MCM3: variants seen among roughly 807,000 people sequenced by gnomAD.
MCM3 encodes minichromosome maintenance complex component 3.
MCM3 carries 59 observed loss-of-function variants against 91.3 expected under a neutral mutation model. That is an observed-to-expected ratio of 0.65 (90% confidence interval 0.52 to 0.80). The LOEUF (loss-of-function observed/expected upper bound fraction) is 0.80, where lower values mean the gene tolerates loss of function less well. MCM3 is among the 30% of genes least tolerant of loss of function. The pLI is 0.00. For missense variants in MCM3, 919 were observed against 1,035.4 expected (o/e 0.89, Z 1.54); for synonymous variants, 383 against 379.6 (o/e 1.01, Z -0.10).
Position 52,279,601 on chromosome 6 carries a change from T to C in MCM3, c.532-2A>G. On this transcript the variant is annotated splice_acceptor_variant, in intron 4 of 16. Coordinates refer to ENST00000596288, the MANE Select transcript of MCM3 (RefSeq NM_002388.6). LOFTEE classifies it high-confidence loss of function. The stretch of plus-strand genomic sequence containing the variant: ...CTCAAGGGGATTGTTCTCCTCATCC[T>C]AGAAAAAGGCACACAGAGGGACAGA... The C allele has an allele frequency of 6.2e-7, 1 of 1,606,714 alleles. No homozygotes were observed. Among genetic ancestry groups the C allele is most frequent in the Non-Finnish European group, 8.5e-7 (1 of 1,174,374 alleles).
At chr6:52,267,995 C>G in intron 13 of MCM3, 27 bp from the exon 14 acceptor site, 1 of 1,613,874 alleles carries the variant, frequency 6.2e-7, no homozygotes, top group Non-Finnish European at 8.5e-7. Context: ...TGTGGCTGGG[C>G]TAGAGGGGTC....
intron 16 of MCM3, among the ~76,000 whole-genome samples, chr6:52,265,794 T>A (rs1053330448): frequency 1.3e-5 from 2 of 152,158 alleles, no homozygotes; most frequent in African/African-American, 4.8e-5. Context: ...TTAAGTTTTA[T>A]CCTTATTGTA....
At position 52,266,653 on chromosome 6, in the gene MCM3, C is replaced by T. The variant is rs868268606; in HGVS notation, c.2116G>A (p.Asp706Asn). 3 of 1,614,098 alleles carry T rather than the reference C, an allele frequency of 1.9e-6. No homozygotes were observed. Among genetic ancestry groups the T allele is most frequent in the Admixed American group, 1.7e-5 (1 of 60,020 alleles). ...QPDAKDGDSYDPYDFSDTEEE... is the reference protein window; with the variant it reads ...QPDAKDGDSYNPYDFSDTEEE... ...TCTGTGTCACTGAAGTCATAGGGGT[C>T]GTATGAATCCCCATCTTTGGCATCT... The change falls in exon 15 of 17, where the codon GAC becomes AAC. Residue 706 changes from aspartate (D) to asparagine (N), a missense_variant. By Grantham distance (23) the Asp-to-Asn change is conservative (BLOSUM62 1). Transcript: ENST00000596288.
At position 52,273,733 on chromosome 6, in the gene MCM3, T is replaced by G; in HGVS notation, c.1549+9A>C. The G allele has an allele frequency of 6.2e-7, 1 of 1,604,504 alleles. No individual in the cohort carries two copies. Among genetic ancestry groups the G allele is most frequent in the Non-Finnish European group, 8.5e-7 (1 of 1,175,226 alleles). The stretch of plus-strand genomic sequence containing the variant: ...CCATTAGTTACTCTTACTATTCTTA[T>G]GGCCTCACCATCGCCATCCTGCTCC... On this transcript the variant is annotated intron_variant, in intron 10 of 16. Transcript: ENST00000596288.
chr6:52,268,110 G>T, intron 13 of MCM3, 142 bp from the exon 14 acceptor site: 1 of 1,120,968 alleles, frequency 8.9e-7, no homozygotes, highest in Non-Finnish European at 1.3e-6. Context: ...TTGTCCCTAA[G>T]TCCCAGGACC....
intron 4 of MCM3, among the ~76,000 whole-genome samples, chr6:52,280,866 T>C (rs1452658616): frequency 6.6e-6 from 1 of 152,244 alleles, no homozygotes; most frequent in African/African-American, 2.4e-5. Context: ...CAGCATTTCA[T>C]CTGGAGGTAG....
Position 52,273,885 on chromosome 6 carries a change from A to T in MCM3, c.1406T>A (p.Ile469Asn), listed in dbSNP as rs759115826. 1 of 1,613,992 alleles carries T rather than the reference A, an allele frequency of 6.2e-7. No individual in the cohort carries two copies. The highest frequency in any genetic ancestry group is 8.5e-7 in the Non-Finnish European group (1 of 1,179,918). ...TGACAGCAGTGAGTCCTGTAGCCCA[A>T]TGTTCTCCATTGGAGTCTTATACTG... ...YDQYKTPMEN[I>N]GLQDSLLSRF... is the part of the protein sequence containing the mutation. Residue 469 changes from isoleucine to asparagine, a missense_variant, in exon 10 of 17, where the codon ATT becomes AAT. This residue lies in a region of MCM3 where 233 missense variants were observed against 321.2 expected (regional missense o/e 0.73). Transcript: ENST00000596288.
Position 52,269,087 on chromosome 6 carries a change from T to G in MCM3, c.1967A>C (p.Lys656Thr). 1 of 1,611,178 alleles carries G rather than the reference T, an allele frequency of 6.2e-7. No homozygotes were observed. The highest frequency in any genetic ancestry group is 8.5e-7 in the Non-Finnish European group (1 of 1,177,722). ...ATGCCCAGGCATCTGAATCCTCACC[T>G]TCTTAAAGTAAGCATACTGGACCAA... ...VELVQYAYFK[K>T]VLEKEKKRKK... The change falls in exon 13 of 17, where the codon AAG (lysine) becomes ACG (threonine). Residue 656 changes from lysine to threonine, a missense_variant and splice_region_variant. Lys to Thr is a moderately conservative substitution (Grantham distance 78). Around this residue, in one of 3 missense-constraint regions of MCM3, gnomAD observed 285 missense variants for 311.4 expected, o/e 0.92. Transcript: ENST00000596288.
intron 6 of MCM3, among the ~76,000 whole-genome samples, chr6:52,277,940 C>T (rs768244091): frequency 5.3e-5 from 8 of 151,464 alleles, no homozygotes; most frequent in Non-Finnish European, 8.8e-5. Context: ...TGGTGGTGTG[C>T]GCCTGTAATC....
At position 52,269,091 on chromosome 6, in the gene MCM3, T is replaced by C. The variant is rs148318952; in HGVS notation, c.1963A>G (p.Lys655Glu). 2.0e-5 allele frequency: 32 copies of C among 1,611,368 alleles called. No homozygotes were observed. Among genetic ancestry groups the C allele is most frequent in the Non-Finnish European group, 2.6e-5 (31 of 1,177,978 alleles). The change falls in exon 13 of 17, where the codon AAG becomes GAG. Residue 655 changes from lysine (K) to glutamate (E), a missense_variant. Transcript: ENST00000596288. ...AVELVQYAYF[K>E]KVLEKEKKRK... Reference sequence around the variant, plus strand: ...CCAGGCATCTGAATCCTCACCTTCTTAAAGTAAGCATACTGGACCAACTCC... The same window carrying C: ...CCAGGCATCTGAATCCTCACCTTCTCAAAGTAAGCATACTGGACCAACTCC...
chr6:52,284,632 C>G lies in MCM3; in HGVS notation c.43G>C (p.Ala15Pro). ...VVLDDVELREAQRDYLDFLDD... is the reference protein window; with the variant it reads ...VVLDDVELREPQRDYLDFLDD... ...AGGAAGTCCAGGTAATCTCTCTGAG[C>G]CTCCCGCAGCTCCACATCGTCCAGC... Residue 15 changes from alanine (A) to proline (P), a missense_variant, in exon 1 of 17, where the codon GCT becomes CCT. Physicochemically the swap from Ala to Pro is conservative, Grantham distance 27. Coordinates refer to ENST00000596288, the MANE Select transcript of MCM3 (RefSeq NM_002388.6). The G allele has an allele frequency of 6.2e-7, 1 of 1,607,840 alleles. No individual in the cohort carries two copies. Among genetic ancestry groups the G allele is most frequent in the Non-Finnish European group, 8.5e-7 (1 of 1,178,062 alleles).
At chr6:52,268,729 A>T (rs1764845186) in intron 13 of MCM3, among the ~76,000 whole-genome samples, 1 of 152,214 alleles carries the variant, frequency 6.6e-6, no homozygotes, top group Non-Finnish European at 1.5e-5. Flanking sequence ...AGAGTGGGAC[A>T]AGGAAGATTA....
At chr6:52,266,924 C>A (rs1296921831) in intron 14 of MCM3, among the ~76,000 whole-genome samples, 1 of 152,078 alleles carries the variant, frequency 6.6e-6, no homozygotes, top group Non-Finnish European at 1.5e-5. Flanking sequence ...ACATCACTCA[C>A]CCTTATAAAT....
At chr6:52,271,066 C>T (rs1016353016) in intron 12 of MCM3, among the ~76,000 whole-genome samples, 2 of 151,942 alleles carry the variant, frequency 1.3e-5, no homozygotes, top group African/African-American at 2.4e-5. Context: ...CAAAATTAGC[C>T]GGGCATGGTG....
intron 14 of MCM3, among the ~76,000 whole-genome samples, chr6:52,267,374 G>C (rs546016447): frequency 5.9e-5 from 9 of 152,058 alleles, no homozygotes; most frequent in African/African-American, 1.7e-4. Context: ...GGGATTACAG[G>C]CGTGAGCCAC....
intron 11 of MCM3, among the ~76,000 whole-genome samples, chr6:52,272,893 A>C (rs1016933881): frequency 6.6e-6 from 1 of 152,210 alleles, no homozygotes; most frequent in African/African-American, 2.4e-5. Flanking sequence ...ACAAAGTCTC[A>C]AATGTTTGCT....
chr6:52,276,053 A>G (rs1345295274), intron 9 of MCM3: 12 of 563,978 alleles, frequency 2.1e-5, no homozygotes, highest in Non-Finnish European at 3.8e-5. Context: ...ACTGTTAAAA[A>G]GTTACTTTTA....
At chr6:52,284,385 T>TA in intron 1 of MCM3, among the ~76,000 whole-genome samples, 1 of 152,292 alleles carries the variant, frequency 6.6e-6, no homozygotes, top group African/African-American at 2.4e-5. Context: ...CGCTTGTACT[T>TA]AAGAGAAAGC....
At position 52,269,088 on chromosome 6, in the gene MCM3, T is replaced by G. The variant is rs750179265; in HGVS notation, c.1966A>C (p.Lys656Gln). 1 of 1,611,476 alleles carries G rather than the reference T, an allele frequency of 6.2e-7. No individual in the cohort carries two copies. Among genetic ancestry groups the G allele is most frequent in the South Asian group, 1.1e-5 (1 of 90,862 alleles). The change falls in exon 13 of 17, where the codon AAG (lysine) becomes CAG (glutamine). Residue 656 changes from lysine to glutamine, a missense_variant and splice_region_variant. Transcript: ENST00000596288. ...VELVQYAYFK[K>Q]VLEKEKKRKK... The stretch of plus-strand genomic sequence containing the variant: ...TGCCCAGGCATCTGAATCCTCACCT[T>G]CTTAAAGTAAGCATACTGGACCAAC...
Sources: allele counts gnomAD v4.1 joint callset (sites outside exome capture counted in the v4.1 genomes callset), GRCh38; gene constraint gnomAD v4.1.1; regional missense constraint gnomAD v4.1.1; transcripts MANE v1.5; gene names NCBI Gene and HGNC (gene_info 2026-07-23, HGNC 2026-07-21).